Variants in ZNRF3 observed in about 807,000 individuals in gnomAD.
The protein encoded by ZNRF3 is E3 ubiquitin-protein ligase ZNRF3.
ZNRF3 carries 23 observed loss-of-function variants against 72.5 expected under a neutral mutation model. That is an observed-to-expected ratio of 0.32 (90% CI 0.23 to 0.45). ZNRF3 has a LOEUF of 0.45. ZNRF3 is among the 20% of genes least tolerant of loss of function. ZNRF3 has a pLI of 1.00. For synonymous variants in ZNRF3, 610 were observed against 545.3 expected (o/e 1.12, Z -1.65); for missense variants, 1,169 against 1,272.1 (o/e 0.92, Z 1.23).
chr22:29,031,069 C>G (rs937577455), intron 2 of ZNRF3: 1 of 153,126 alleles, frequency 6.5e-6, no homozygotes, highest in Non-Finnish European at 1.5e-5. Flanking sequence ...TGCCCCTGCC[C>G]CTGCCCCTCT....
intron 2 of ZNRF3, among the ~76,000 whole-genome samples, chr22:29,002,654 A>G (rs561515477): frequency 7.9e-5 from 12 of 152,348 alleles, no homozygotes. Flanking sequence ...CCAGGCCCTT[A>G]TTCTCAGAAG....
intron 2 of ZNRF3, among the ~76,000 whole-genome samples, chr22:29,019,637 G>T (rs888510417): frequency 1.3e-5 from 2 of 152,070 alleles, no homozygotes; most frequent in Non-Finnish European, 2.9e-5. Context: ...TAACATCTTA[G>T]TGCCATGTTA....
At position 28,898,291 on chromosome 22, in the gene ZNRF3, C is replaced by A. The variant is rs111789987; in HGVS notation, c.300+14225C>A. On this transcript the variant is annotated intron_variant, in intron 1 of 8. Transcript: ENST00000544604. ...GGAGAATTTTCTGTGATTGTCGCAACTATTTGCAAGCAGCTTTCAGACATG... is the reference window on the plus strand; with the variant it reads ...GGAGAATTTTCTGTGATTGTCGCAAATATTTGCAAGCAGCTTTCAGACATG... 1.7e-4 allele frequency among the ~76,000 whole-genome samples: 26 copies of A among 152,308 alleles called. 2 individuals are homozygous for A. Among genetic ancestry groups the A allele is most frequent in the African/African-American group, 6.3e-4 (26 of 41,566 alleles).
At chr22:29,027,312 G>A (rs557170911) in intron 2 of ZNRF3, among the ~76,000 whole-genome samples, 4 of 151,912 alleles carry the variant, frequency 2.6e-5, no homozygotes, top group African/African-American at 9.7e-5. Context: ...GCAATGGCGC[G>A]ATCTTGGCTC....
chr22:29,036,158 T>C (rs1019056475), intron 2 of ZNRF3, among the ~76,000 whole-genome samples: 13 of 152,228 alleles, frequency 8.5e-5, no homozygotes, highest in Admixed American at 2.0e-4. Context: ...GCTTTCAATT[T>C]CTGAGTTATT....
chr22:28,901,525 GTGGCTGCTT>G (rs2034103163), intron 1 of ZNRF3, among the ~76,000 whole-genome samples: 1 of 152,214 alleles, frequency 6.6e-6, no homozygotes, highest in African/African-American at 2.4e-5. Flanking sequence ...AGTTTAGTAT[GTGGCTGCTT>G]TGGCTGCTTT....
intron 2 of ZNRF3, among the ~76,000 whole-genome samples, chr22:29,039,277 G>T (rs2036916509): frequency 6.6e-6 from 1 of 152,172 alleles, no homozygotes; most frequent in Admixed American, 6.5e-5. Context: ...CCTGAGGCAT[G>T]TCTCTCCTGG....
intron 1 of ZNRF3, among the ~76,000 whole-genome samples, chr22:28,937,427 GT>G (rs2034860514): frequency 1.3e-5 from 2 of 151,750 alleles, no homozygotes; most frequent in Admixed American, 1.3e-4. Context: ...TTGGGCATGT[GT>G]TGGCTCTTAA....
At position 29,050,033 on chromosome 22, in the gene ZNRF3, C is replaced by T. The variant is rs1043913343; in HGVS notation, c.1852C>T (p.Arg618Trp). 2.5e-6 allele frequency: 4 copies of T among 1,609,742 alleles called. No individual in the cohort carries two copies. The highest frequency in any genetic ancestry group is 1.3e-5 in the African/African-American group (1 of 75,014). Residue 618 changes from arginine (R) to tryptophan (W), a missense_variant, in exon 8 of 9, where the codon CGG becomes TGG. Arg to Trp is a moderately radical substitution (Grantham distance 101). Transcript: ENST00000544604. Reference sequence around the variant, plus strand: ...GGCGGGGGGCTCGGGCAGCTCGGGCCGGGGACCTGCCCTGTGCTTCGAGGG... The same window carrying T: ...GGCGGGGGGCTCGGGCAGCTCGGGCTGGGGACCTGCCCTGTGCTTCGAGGG... Reference protein sequence around the residue: ...SEAGGSGSSGRGPALCFEGSP... With the variant: ...SEAGGSGSSGWGPALCFEGSP...
Position 28,883,931 on chromosome 22 carries a change from C to G in ZNRF3, c.165C>G (p.Ala55=), listed in dbSNP as rs1271891593. The G allele has an allele frequency of 2.4e-6, 3 of 1,246,666 alleles. No individual in the cohort carries two copies. The African/African-American group carries it at 4.8e-5, about 20-fold the overall frequency. The allele number at this position is 1,246,666 out of a possible 1,614,324, so 77.2% of individuals were successfully genotyped here. A position where few individuals can be genotyped will look rare whatever the true frequency, so the allele number is the denominator to read the frequency against. Residue 55 remains alanine (A), a synonymous_variant, in exon 1 of 9, where the codon GCC becomes GCG. Transcript: ENST00000544604. The surrounding 1 kb of genome is among the most constrained non-coding windows in gnomAD (Gnocchi z 5.5). ...LAAAGPGAAR[A]KETAFVEVVL... ...CCGCGGGGCCCGGCGCGGCGCGGGC[C>G]AAGGAGACGGCGTTCGTGGAGGTGG...
In ZNRF3 at chr22:29,009,266, T is replaced by C. The variant is rs549004969; in HGVS notation, c.426+22065T>C. Among the ~76,000 whole-genome samples the C allele has an allele frequency of 2.4e-4, 37 of 151,952 alleles. 1 individual carries two copies. In the South Asian group the frequency reaches 3.1e-3, roughly 13 times the overall value. On this transcript the variant is annotated intron_variant, in intron 2 of 8. Transcript: ENST00000544604. The stretch of plus-strand genomic sequence containing the variant: ...GAGACCAAGAAGGAAATTCCAGCAG[T>C]GGGGCTGGCAGGAGCAGAAATAACA...
chr22:28,884,701 A>C (rs1483062123), intron 1 of ZNRF3, among the ~76,000 whole-genome samples: 1 of 152,166 alleles, frequency 6.6e-6, no homozygotes, highest in Non-Finnish European at 1.5e-5. Flanking sequence ...TTCACATTAC[A>C]GAGGGTGGGA....
chr22:29,032,988 C>T (rs1479175827), intron 2 of ZNRF3, among the ~76,000 whole-genome samples: 1 of 152,140 alleles, frequency 6.6e-6, no homozygotes, highest in African/African-American at 2.4e-5. Flanking sequence ...ATGTGCTCCT[C>T]ATTGTTGGTC....
At position 29,045,004 on chromosome 22, in the gene ZNRF3, G is replaced by C. The variant is rs1601707082; in HGVS notation, c.744+114G>C. 3 of 750,844 alleles carry C rather than the reference G, an allele frequency of 4.0e-6. No homozygotes were observed. The Admixed American group carries it at 6.3e-5, about 16-fold the overall frequency. 46.5% of individuals were successfully genotyped at this position (750,844 alleles called of 1,614,324 possible). A position where few individuals can be genotyped will look rare whatever the true frequency, so the allele number is the denominator to read the frequency against. On this transcript the variant is annotated intron_variant, in intron 5 of 8. Coordinates refer to ENST00000544604, the MANE Select transcript of ZNRF3 (RefSeq NM_001206998.2). ...TGGTGCAACATGGAGCCTCACAGCT[G>C]TGGACTCTGAGCTCTGCAGCCTGTT...
chr22:28,992,168 C>T (rs1386447313), intron 2 of ZNRF3, among the ~76,000 whole-genome samples: 7 of 144,928 alleles, frequency 4.8e-5, no homozygotes, highest in African/African-American at 1.8e-4. Context: ...CTCTTCCCCC[C>T]AACCCCCCGC....
intron 2 of ZNRF3, among the ~76,000 whole-genome samples, chr22:29,009,437 T>G (rs747103522): frequency 6.6e-6 from 1 of 151,594 alleles, no homozygotes; most frequent in Non-Finnish European, 1.5e-5. Flanking sequence ...AAGAGTAGAG[T>G]TTAAAAAAAT....
chr22:28,944,653 G>T (rs2035014705), intron 1 of ZNRF3, among the ~76,000 whole-genome samples: 1 of 151,966 alleles, frequency 6.6e-6, no homozygotes, highest in African/African-American at 2.4e-5. Flanking sequence ...TACTCAGGAG[G>T]CTGAGGAAGG....
chr22:29,011,252 G>T (rs2036341544), intron 2 of ZNRF3, among the ~76,000 whole-genome samples: 1 of 152,228 alleles, frequency 6.6e-6, no homozygotes, highest in South Asian at 2.1e-4. Flanking sequence ...TGAATACAAA[G>T]AATGATGAGG....
At chr22:28,937,263 T>C in intron 1 of ZNRF3, among the ~76,000 whole-genome samples, 1 of 142,090 alleles carries the variant, frequency 7.0e-6, no homozygotes, top group East Asian at 2.0e-4. Context: ...AAAAAACTCA[T>C]GCCAGACTTG....
Sources: gnomAD v4.1 joint callset for allele counts (sites outside exome capture counted in the v4.1 genomes callset) on GRCh38, gnomAD v4.1.1 for gene constraint, Gnocchi (gnomAD v3.1) non-coding constraint, MANE v1.5 for transcripts, NCBI Gene and HGNC (gene_info 2026-07-23, HGNC 2026-07-21) for gene names.